The following DAB1 variants were observed in gnomAD, a reference collection of about 807,000 sequenced individuals.
DAB1 encodes the protein DAB adaptor protein 1, also known as disabled homolog 1.
A neutral mutation model predicts 64.6 loss-of-function variants in DAB1; 15 were observed. The ratio of observed to expected loss-of-function variants is 0.23; its 90% CI spans 0.16 to 0.36. DAB1 has a LOEUF of 0.36. Among genes scored for constraint, DAB1 ranks in the 10% least tolerant of loss-of-function variants. DAB1 has a pLI of 1.00. For synonymous variants in DAB1, 235 were observed against 251.9 expected, an observed-to-expected ratio of 0.93 and a Z score of 0.64; for missense variants, 596 against 706.7, an observed-to-expected ratio of 0.84 and a Z score of 1.78.
chr1:57,617,727 G>T (rs951527583), intron 7 of DAB1, among the ~76,000 whole-genome samples: 1 of 152,126 alleles, frequency 6.6e-6, no homozygotes, highest in Non-Finnish European at 1.5e-5. Flanking sequence ...ATGAAAATGG[G>T]AAAACAGAGA....
chr1:57,775,904 A>G (rs1391430544), intron 6 of DAB1, among the ~76,000 whole-genome samples: 2 of 151,546 alleles, frequency 1.3e-5, no homozygotes, highest in Non-Finnish European at 3.0e-5. Flanking sequence ...TACCATCTTT[A>G]TGTTTTTATA....
chr1:58,200,995 A>G (rs575912441), intron 4 of DAB1, among the ~76,000 whole-genome samples: 2 of 151,946 alleles, frequency 1.3e-5, no homozygotes, highest in South Asian at 4.2e-4. Flanking sequence ...CTACATATGA[A>G]TAATGTAGTC....
chr1:58,511,636 A>AACAC (rs371601891), intron 2 of DAB1, among the ~76,000 whole-genome samples: 2 of 151,034 alleles, frequency 1.3e-5, no homozygotes, highest in Non-Finnish European at 3.0e-5. Flanking sequence ...CTCAAAAACG[A>AACAC]ACACACACAC....
At chr1:57,117,819 C>T (rs1482446619) in intron 4 of DAB1, among the ~76,000 whole-genome samples, 1 of 151,284 alleles carries the variant, frequency 6.6e-6, no homozygotes, top group African/African-American at 2.4e-5. Flanking sequence ...TGTTGAAGTC[C>T]ACTTCCCTTC....
intron 4 of DAB1, among the ~76,000 whole-genome samples, chr1:58,316,604 G>T (rs1044000360): frequency 6.6e-6 from 1 of 152,086 alleles, no homozygotes; most frequent in East Asian, 1.9e-4. Flanking sequence ...GAGAAGAGGG[G>T]GATGCTGATC....
chr1:57,100,738 T>C (rs1027170129), intron 4 of DAB1, among the ~76,000 whole-genome samples: 2 of 100,460 alleles, frequency 2.0e-5, no homozygotes, highest in Admixed American at 2.5e-4. Flanking sequence ...GAAGGATGAC[T>C]GGGAGCTCGC....
At chr1:57,741,737 C>T (rs1442506958) in intron 6 of DAB1, among the ~76,000 whole-genome samples, 1 of 152,172 alleles carries the variant, frequency 6.6e-6, no homozygotes, top group African/African-American at 2.4e-5. Flanking sequence ...TTCTTGCTTC[C>T]ACTGCCGAGT....
At chr1:57,441,294 CTT>C (rs138207274) in intron 7 of DAB1, among the ~76,000 whole-genome samples, 1 of 56,136 alleles carries the variant, frequency 1.8e-5, no homozygotes, top group Admixed American at 2.4e-4. Context: ...TTCTTTCTTT[CTT>C]TCTTTCTTTC....
intron 4 of DAB1, among the ~76,000 whole-genome samples, chr1:57,090,724 C>A (rs959485598): frequency 6.6e-6 from 1 of 152,094 alleles, no homozygotes; most frequent in Non-Finnish European, 1.5e-5. Context: ...TTATACATTT[C>A]CTTTAAGTGT....
chr1:58,395,485 G>A (rs1314374784), intron 3 of DAB1, among the ~76,000 whole-genome samples: 2 of 152,178 alleles, frequency 1.3e-5, no homozygotes, highest in African/African-American at 2.4e-5. Flanking sequence ...ATATGTGGAC[G>A]CTTCTGCTGG....
chr1:57,675,153 G>A (rs1291462226), intron 6 of DAB1, among the ~76,000 whole-genome samples: 1 of 152,180 alleles, frequency 6.6e-6, no homozygotes, highest in African/African-American at 2.4e-5. Flanking sequence ...CCCTAACACT[G>A]GGCTTCATGC....
intron 6 of DAB1, among the ~76,000 whole-genome samples, chr1:57,691,849 A>G (rs944888107): frequency 5.3e-5 from 8 of 152,050 alleles, no homozygotes; most frequent in Admixed American, 5.2e-4. Flanking sequence ...ATTCTGTCCT[A>G]TTTTTCCTTA....
intron 7 of DAB1, among the ~76,000 whole-genome samples, chr1:57,540,227 A>G (rs1030416531): frequency 3.3e-5 from 5 of 152,204 alleles, no homozygotes; most frequent in African/African-American, 1.2e-4. Context: ...GGGAAATGCA[A>G]ATCAAAACCA....
chr1:58,383,308 T>C (rs1164548509), intron 3 of DAB1, among the ~76,000 whole-genome samples: 3 of 152,176 alleles, frequency 2.0e-5, no homozygotes, highest in East Asian at 3.9e-4. Flanking sequence ...CTAGAGAGTA[T>C]ATGCTCATGA....
chr1:57,145,351 A>T lies in DAB1; in HGVS notation c.146T>A (p.Ile49Asn). 1 of 1,614,106 alleles carries T rather than the reference A, an allele frequency of 6.2e-7. No homozygotes were observed. The highest frequency in any genetic ancestry group is 8.5e-7 in the Non-Finnish European group (1 of 1,179,982). Residue 49 changes from isoleucine (I) to asparagine (N), a missense_variant, in exon 3 of 15, where the codon ATT becomes AAT. This residue lies in a region of DAB1 where 176 missense variants were observed against 266.7 expected (regional missense o/e 0.66). Transcript: ENST00000371236. ...GVRYKAKLIGIDEVSAARGDK... is the reference protein window; with the variant it reads ...GVRYKAKLIGNDEVSAARGDK... The stretch of plus-strand genomic sequence containing the variant: ...TCCCCGAGCTGCGGAAACTTCATCA[A>T]TCCCGATCAATTTGGCTTTGTACCG...
rs533466510 is a variant in DAB1, at chr1:57,364,473, C to T, written c.-137+59457G>A. On this transcript the variant is annotated intron_variant, in intron 1 of 14. Coordinates refer to ENST00000371236, the MANE Select transcript of DAB1 (RefSeq NM_001365792.1). ...ACCTCAGGAATCACCCTGCTCTGCA[C>T]GCAGGCAGAGGAAAGATATCAGATT... Among the ~76,000 whole-genome samples the T allele has an allele frequency of 8.5e-5, 13 of 152,120 alleles. No homozygotes were observed. The South Asian group carries it at 2.3e-3, about 27-fold the overall frequency.
chr1:57,582,109 T>G (rs1296207549), intron 7 of DAB1, among the ~76,000 whole-genome samples: 1 of 152,190 alleles, frequency 6.6e-6, no homozygotes, highest in Non-Finnish European at 1.5e-5. Flanking sequence ...GACTCTACCC[T>G]CAATGACCTC....
intron 3 of DAB1, among the ~76,000 whole-genome samples, chr1:58,365,331 A>C (rs1373505445): frequency 6.6e-6 from 1 of 152,342 alleles, no homozygotes; most frequent in East Asian, 1.9e-4. Flanking sequence ...TGTCACTCAG[A>C]CCAACTCCTC....
intron 3 of DAB1, among the ~76,000 whole-genome samples, chr1:58,398,384 C>A (rs1229414285): frequency 6.6e-6 from 1 of 152,252 alleles, no homozygotes; most frequent in Non-Finnish European, 1.5e-5. Flanking sequence ...GACTTCTAAT[C>A]TCCCAAGACA....
Sources: allele counts gnomAD v4.1 joint callset (sites outside exome capture counted in the v4.1 genomes callset), GRCh38; gene constraint gnomAD v4.1.1; regional missense constraint gnomAD v4.1.1; transcripts MANE v1.5; gene names NCBI Gene and HGNC (gene_info 2026-07-23, HGNC 2026-07-21).